Variants in LOC122539214 observed in about 807,000 individuals in gnomAD.
chr19:52,679,186 G>A, the LOC122539214 span, among the ~76,000 whole-genome samples: 1 of 152,234 alleles, frequency 6.6e-6, no homozygotes, highest in Non-Finnish European at 1.5e-5. Flanking sequence ...ATAGGAGGCT[G>A]TGAGCCCAAA....
At chr19:52,651,277 C>T in the LOC122539214 span, 80,272 of 152,056 alleles carry the variant, frequency 0.53, 21,771 homozygotes, top group East Asian at 0.71. Context: ...TGAAGATAGT[C>T]AGGATATATT....
chr19:52,676,314 C>T, the LOC122539214 span, among the ~76,000 whole-genome samples: 3 of 152,118 alleles, frequency 2.0e-5, no homozygotes, highest in Non-Finnish European at 4.4e-5. Flanking sequence ...GTGCAGTGGC[C>T]TGATCTCGGC....
chr19:52,675,184 T>C, the LOC122539214 span, among the ~76,000 whole-genome samples: 1 of 152,188 alleles, frequency 6.6e-6, no homozygotes, highest in East Asian at 1.9e-4. Context: ...CATTAACTTG[T>C]TTTAAAAACC....
the LOC122539214 span, among the ~76,000 whole-genome samples, chr19:52,688,989 C>A: frequency 1.4e-4 from 21 of 145,920 alleles, no homozygotes; most frequent in South Asian, 4.6e-3. Flanking sequence ...GATTATTTTA[C>A]TGTTACTCTT....
At chr19:52,665,616 C>T in the LOC122539214 span, among the ~76,000 whole-genome samples, 2 of 152,072 alleles carry the variant, frequency 1.3e-5, no homozygotes, top group Non-Finnish European at 2.9e-5. Flanking sequence ...TTTTAATCAC[C>T]TGCTCCACCC....
At chr19:52,657,555 G>A in the LOC122539214 span, among the ~76,000 whole-genome samples, 2 of 151,978 alleles carry the variant, frequency 1.3e-5, no homozygotes, top group Non-Finnish European at 2.9e-5. Context: ...TTTTAAAAAA[G>A]GCCAGGCATG....
chr19:52,689,145 T>A, the LOC122539214 span, among the ~76,000 whole-genome samples: 1 of 152,220 alleles, frequency 6.6e-6, no homozygotes, highest in African/African-American at 2.4e-5. Context: ...TGTCACTGTA[T>A]AATTAACTGC....
At chr19:52,670,652 T>C in the LOC122539214 span, among the ~76,000 whole-genome samples, 2 of 152,180 alleles carry the variant, frequency 1.3e-5, no homozygotes, top group African/African-American at 2.4e-5. Context: ...TCATGGCCCA[T>C]GACACAACTC....
chr19:52,657,311 T>C, the LOC122539214 span, among the ~76,000 whole-genome samples: 16 of 152,058 alleles, frequency 1.1e-4, no homozygotes, highest in African/African-American at 3.6e-4. Flanking sequence ...GAATACATTA[T>C]GTAAATTAAA....
chr19:52,688,674 C>T, the LOC122539214 span, among the ~76,000 whole-genome samples: 28 of 152,128 alleles, frequency 1.8e-4, no homozygotes, highest in Middle Eastern at 3.4e-3. Context: ...ACTTATCTAA[C>T]ATCTTGCTGC....
the LOC122539214 span, among the ~76,000 whole-genome samples, chr19:52,676,022 C>G: frequency 6.6e-6 from 1 of 152,254 alleles, no homozygotes; most frequent in South Asian, 2.1e-4. Context: ...AACCCTGTCT[C>G]TACTAACAAT....
At chr19:52,653,145 G>GT in the LOC122539214 span, 3 of 1,471,956 alleles carry the variant, frequency 2.0e-6, no homozygotes, top group East Asian at 2.3e-5. Flanking sequence ...CATGACAGTT[G>GT]TAAGGTTTTT....
At chr19:52,652,965 C>G in the LOC122539214 span, 2 of 1,296,956 alleles carry the variant, frequency 1.5e-6, no homozygotes, top group South Asian at 2.4e-5. Context: ...TCTTGCCACA[C>G]TCATTACACC....
At chr19:52,672,763 T>G in the LOC122539214 span, among the ~76,000 whole-genome samples, 1 of 152,078 alleles carries the variant, frequency 6.6e-6, no homozygotes, top group Non-Finnish European at 1.5e-5. Flanking sequence ...TCATGCTGGG[T>G]TAATTTTTGT....
At chr19:52,666,494 G>A in the LOC122539214 span, among the ~76,000 whole-genome samples, 5 of 151,934 alleles carry the variant, frequency 3.3e-5, no homozygotes, top group East Asian at 3.9e-4. Flanking sequence ...CCAGTAAACC[G>A]CGGATGGCCC....
At chr19:52,686,659 T>G in the LOC122539214 span, among the ~76,000 whole-genome samples, 1 of 152,094 alleles carries the variant, frequency 6.6e-6, no homozygotes, top group African/African-American at 2.4e-5. Flanking sequence ...CTGCAACCTC[T>G]ACCTCCCAGG....
chr19:52,676,723 TTG>T, the LOC122539214 span, among the ~76,000 whole-genome samples: 5 of 138,734 alleles, frequency 3.6e-5, no homozygotes, highest in African/African-American at 1.4e-4. Context: ...AATCGGATGG[TTG>T]CCGTGTCTGT....
chr19:52,652,715 C>A, the LOC122539214 span: 1 of 677,548 alleles, frequency 1.5e-6, no homozygotes, highest in Non-Finnish European at 2.6e-6. Context: ...TTGTGAGAAT[C>A]ATTACATTTG....
chr19:52,687,633 GTA>G, the LOC122539214 span, among the ~76,000 whole-genome samples: 931 of 27,818 alleles, frequency 0.033, 172 homozygotes, highest in South Asian at 0.077. Context: ...TATATATAAT[GTA>G]TATATATATA....
Sources: gnomAD v4.1 joint callset for allele counts (sites outside exome capture counted in the v4.1 genomes callset) on GRCh38, gnomAD v4.1.1 for gene constraint, MANE v1.5 for transcripts.